HHIPL1: variants seen among roughly 807,000 people sequenced by gnomAD.
The protein encoded by HHIPL1 is HHIP-like protein 1.
In HHIPL1, 43 loss-of-function variants were observed where a neutral mutation model predicts 61.8. The observed-to-expected ratio is 0.70, with a 90% CI of 0.55 to 0.90. HHIPL1 has a LOEUF of 0.90. Among genes scored for constraint, HHIPL1 ranks in the 40% least tolerant of loss-of-function variants. The pLI, the probability that HHIPL1 is intolerant of heterozygous loss-of-function variation, is 0.00. For missense variants in HHIPL1, 1,056 were observed against 1,157.7 expected, an observed-to-expected ratio of 0.91 and a Z score of 1.28; for synonymous variants, 482 against 515.8, an observed-to-expected ratio of 0.93 and a Z score of 0.89.
intron 1 of HHIPL1, among the ~76,000 whole-genome samples, chr14:99,648,424 G>C (rs1359946948): frequency 6.6e-6 from 1 of 152,154 alleles, no homozygotes; most frequent in Non-Finnish European, 1.5e-5. Flanking sequence ...TTCCCCATGG[G>C]GAATGTGTGC....
upstream of HHIPL1, among the ~76,000 whole-genome samples, chr14:99,640,743 C>T (rs2140041996): frequency 6.6e-6 from 1 of 152,174 alleles, no homozygotes; most frequent in African/African-American, 2.4e-5. Context: ...ACAGAATTTC[C>T]AGTTCCTTCC....
chr14:99,646,792 AATATG>A lies in HHIPL1; in HGVS notation c.255+1370_255+1374del, dbSNP rs66953128. 4.6e-3 allele frequency among the ~76,000 whole-genome samples: 606 copies of A among 130,874 alleles called. 4 individuals are homozygous for A. Among genetic ancestry groups the A allele is most frequent in the African/African-American group, 0.014 (469 of 33,064 alleles). 85.9% of individuals were successfully genotyped at this position (130,874 alleles called of 152,430 possible). The stretch of plus-strand genomic sequence containing the variant: ...CCGTCTCAAAAATATAATATAATAT[AATATG>A]ATATGATATGATATGATATGATATG... On this transcript the variant is annotated intron_variant, in intron 1 of 8. Transcript: ENST00000330710.
chr14:99,649,016 AC>A (rs2055885041), intron 1 of HHIPL1, among the ~76,000 whole-genome samples: 1 of 152,146 alleles, frequency 6.6e-6, no homozygotes, highest in Admixed American at 6.5e-5. Context: ...CCTTCCTGCC[AC>A]CTGCCCCTAA....
At chr14:99,611,308 T>C in the HHIPL1 span, among the ~76,000 whole-genome samples, 235 of 151,208 alleles carry the variant, frequency 1.6e-3, no homozygotes, top group African/African-American at 5.5e-3. Flanking sequence ...TTTTTTTTTT[T>C]TTTGAGATGG....
In HHIPL1 at chr14:99,657,079, A is replaced by G. The variant is rs1595156425; in HGVS notation, c.982A>G (p.Ile328Val). The G allele has an allele frequency of 6.2e-7, 1 of 1,613,746 alleles. No homozygotes were observed. The highest frequency in any genetic ancestry group is 2.2e-5 in the East Asian group (1 of 44,830). Residue 328 changes from isoleucine to valine, a missense_variant, in exon 3 of 9, where the codon ATC (isoleucine) becomes GTC (valine). Coordinates refer to ENST00000330710, the MANE Select transcript of HHIPL1 (RefSeq NM_001127258.3). ...LLFGDDGYLY[I>V]FTGDGGMAGD... ...TTTCGGGGATGACGGGTACCTCTAC[A>G]TCTTCACTGGAGATGGCGGGATGGC...
chr14:99,673,769 G>A (rs1184801069), intron 8 of HHIPL1, among the ~76,000 whole-genome samples: 1 of 39,378 alleles, frequency 2.5e-5, no homozygotes, highest in African/African-American at 1.1e-4. Context: ...GGGTGGCACG[G>A]AGGGGGTGGT....
In HHIPL1 at chr14:99,660,137, TGCTGTGGGCACG is replaced by T; in HGVS notation, c.1376-142_1376-131del. On this transcript the variant is annotated intron_variant, in intron 4 of 8. Transcript: ENST00000330710. The surrounding 1 kb of genome is among the most constrained non-coding windows in gnomAD (Gnocchi z 4.9). ...GACACGCTTTCCACCACGCCAGCCC[TGCTGTGGGCACG>T]CCAGCCCTGCTGTGGGCACGCCCCT... is the stretch of plus-strand genomic sequence containing the variant. 2.5e-5 allele frequency: 17 copies of T among 673,388 alleles called. No homozygotes were observed. The highest frequency in any genetic ancestry group is 5.7e-4 in the Middle Eastern group (1 of 1,744). 41.7% of individuals were successfully genotyped at this position (673,388 alleles called of 1,614,324 possible). A position where few individuals can be genotyped will look rare whatever the true frequency, so the allele number is the denominator to read the frequency against.
chr14:99,675,702 G>A lies in HHIPL1; in HGVS notation c.*76G>A, dbSNP rs1325443321. On this transcript the variant is annotated 3_prime_UTR_variant, in exon 9 of 9. Transcript: ENST00000330710. The surrounding 1 kb of genome is among the most constrained non-coding windows in gnomAD (Gnocchi z 5.4). ...GGCCGCTCCGCCCTGTGTGCGCCCAGCGGGTGCACACGTGTTCTAGAGTGA... is the reference window on the plus strand; with the variant it reads ...GGCCGCTCCGCCCTGTGTGCGCCCAACGGGTGCACACGTGTTCTAGAGTGA... 1.5e-6 allele frequency: 2 copies of A among 1,366,010 alleles called. No individual in the cohort carries two copies. Among genetic ancestry groups the A allele is most frequent in the African/African-American group, 2.9e-5 (2 of 67,948 alleles). The allele number at this position is 1,366,010 out of a possible 1,614,324, so 84.6% of individuals were successfully genotyped here.
intron 1 of HHIPL1, 144 bp downstream of exon 1, chr14:99,645,606 G>C: frequency 1.1e-6 from 1 of 928,094 alleles, no homozygotes; most frequent in Non-Finnish European, 1.4e-6. Flanking sequence ...ATTTGGCACG[G>C]GGCGGGGAGA....
chr14:99,675,204 C>T lies in HHIPL1; in HGVS notation c.1927C>T (p.Arg643Trp), dbSNP rs1332638605. 4 of 1,165,402 alleles carry T rather than the reference C, an allele frequency of 3.4e-6. No individual in the cohort carries two copies. Among genetic ancestry groups the T allele is most frequent in the Non-Finnish European group, 3.2e-6 (3 of 940,700 alleles). 72.2% of individuals were successfully genotyped at this position (1,165,402 alleles called of 1,614,324 possible). A position where few individuals can be genotyped will look rare whatever the true frequency, so the allele number is the denominator to read the frequency against. ...APPAPTPRPA[R>W]PTQQPGSRRG... ...CCCCGCGCCAACCCCGCGGCCAGCG[C>T]GGCCCACCCAGCAGCCAGGGAGCCG... The change falls in exon 9 of 9, where the codon CGG becomes TGG. Residue 643 changes from arginine (R) to tryptophan (W), a missense_variant. Physicochemically the swap from Arg to Trp is moderately radical, Grantham distance 101. Coordinates refer to ENST00000330710, the MANE Select transcript of HHIPL1 (RefSeq NM_001127258.3). The surrounding 1 kb of genome is among the most constrained non-coding windows in gnomAD (Gnocchi z 5.4).
chr14:99,668,874 T>A lies in HHIPL1; in HGVS notation c.1730+571T>A. 6.2e-7 allele frequency: 1 copy of A among 1,613,808 alleles called. No homozygotes were observed. The highest frequency in any genetic ancestry group is 8.5e-7 in the Non-Finnish European group (1 of 1,179,726). On this transcript the variant is annotated intron_variant, in intron 7 of 8. Coordinates refer to ENST00000330710, the MANE Select transcript of HHIPL1 (RefSeq NM_001127258.3). The surrounding 1 kb of genome is among the most constrained non-coding windows in gnomAD (Gnocchi z 4.7). The stretch of plus-strand genomic sequence containing the variant: ...CCATGCCCGGCTATGTCCCAGCTCC[T>A]TCCGTGTGCAGCTCATTGACGTCTC...
At chr14:99,655,791 C>A (rs1479026841) in intron 2 of HHIPL1, among the ~76,000 whole-genome samples, 2 of 152,128 alleles carry the variant, frequency 1.3e-5, no homozygotes, top group Non-Finnish European at 2.9e-5. Flanking sequence ...AGACTAGTAA[C>A]TGTAAGAAGC....
chr14:99,610,907 A>T, the HHIPL1 span, among the ~76,000 whole-genome samples: 1 of 152,140 alleles, frequency 6.6e-6, no homozygotes, highest in African/African-American at 2.4e-5. Context: ...TAGCAAGGTT[A>T]CTCAACCTCA....
chr14:99,674,663 A>G (rs2056365372), intron 8 of HHIPL1, among the ~76,000 whole-genome samples: 1 of 152,188 alleles, frequency 6.6e-6, no homozygotes, highest in Non-Finnish European at 1.5e-5. Flanking sequence ...AAGGCCTGGA[A>G]GATGAAACGG....
the HHIPL1 span, among the ~76,000 whole-genome samples, chr14:99,605,435 A>G: frequency 1.3e-5 from 2 of 150,914 alleles, no homozygotes; most frequent in Non-Finnish European, 2.9e-5. Flanking sequence ...AAATCCGCGC[A>G]CGCGACAGTG....
At chr14:99,641,520 C>G (rs1566802131), upstream of HHIPL1, among the ~76,000 whole-genome samples, 2 of 151,536 alleles carry the variant, frequency 1.3e-5, no homozygotes, top group Admixed American at 6.6e-5. Flanking sequence ...TTCAAGCAAT[C>G]CTCCTGCTTT....
At chr14:99,622,867 G>A in the HHIPL1 span, among the ~76,000 whole-genome samples, 4 of 152,246 alleles carry the variant, frequency 2.6e-5, no homozygotes, top group African/African-American at 9.6e-5. Flanking sequence ...GAGGATCACA[G>A]GCCAAGAGCA....
the HHIPL1 span, among the ~76,000 whole-genome samples, chr14:99,631,048 TTTTCTTTCTTTCTTTC>T: frequency 0.017 from 2,048 of 120,484 alleles, 37 homozygotes; most frequent in African/African-American, 0.049. Context: ...AGTGGCTCCA[TTTTCTTTCTTTCTTTC>T]TTTCTTTCTT....
At chr14:99,653,298 C>T (rs1167887553) in intron 2 of HHIPL1, among the ~76,000 whole-genome samples, 4 of 151,692 alleles carry the variant, frequency 2.6e-5, no homozygotes, top group Non-Finnish European at 5.9e-5. Flanking sequence ...TCTGCCCCAG[C>T]CTGCCTCGCT....
Sources: allele counts gnomAD v4.1 joint callset (sites outside exome capture counted in the v4.1 genomes callset), GRCh38; gene constraint gnomAD v4.1.1; non-coding constraint Gnocchi (gnomAD v3.1); transcripts MANE v1.5; gene names NCBI Gene and HGNC (gene_info 2026-07-23, HGNC 2026-07-21).